SLC35D4: variants seen among roughly 807,000 people sequenced by gnomAD.
SLC35D4 encodes solute carrier family 35 member D4.
the SLC35D4 span, among the ~76,000 whole-genome samples, chr18:23,343,343 G>A: frequency 6.6e-6 from 1 of 151,902 alleles, no homozygotes; most frequent in Admixed American, 6.6e-5. Flanking sequence ...CTGGGTTCAA[G>A]CGATTCTCCT....
At chr18:23,395,304 A>AT in the SLC35D4 span, among the ~76,000 whole-genome samples, 2 of 152,170 alleles carry the variant, frequency 1.3e-5, no homozygotes, top group African/African-American at 4.8e-5. Flanking sequence ...CACGGGTACC[A>AT]TTTTGCTTAA....
chr18:23,307,943 G>C, the SLC35D4 span, among the ~76,000 whole-genome samples: 1 of 152,068 alleles, frequency 6.6e-6, no homozygotes, highest in East Asian at 1.9e-4. Flanking sequence ...TGCCTGTCCC[G>C]GTCTGCCCTG....
chr18:23,297,723 G>A, the SLC35D4 span: 6 of 370,468 alleles, frequency 1.6e-5, no homozygotes, highest in Non-Finnish European at 2.6e-5. Context: ...GCTACAGCAC[G>A]GTTGAGAGAG....
At chr18:23,292,996 T>C in the SLC35D4 span, among the ~76,000 whole-genome samples, 3 of 152,088 alleles carry the variant, frequency 2.0e-5, no homozygotes, top group African/African-American at 7.2e-5. Context: ...TCCCAGCACT[T>C]TGGGAGGCCG....
the SLC35D4 span, among the ~76,000 whole-genome samples, chr18:23,307,144 C>T: frequency 3.9e-5 from 6 of 152,220 alleles, no homozygotes; most frequent in South Asian, 4.1e-4. Context: ...TCAACCGAAC[C>T]GTAGTGACGT....
chr18:23,240,549 G>A, the SLC35D4 span, among the ~76,000 whole-genome samples: 25 of 152,266 alleles, frequency 1.6e-4, no homozygotes, highest in Admixed American at 9.2e-4. Context: ...CACTAGGCTA[G>A]TGTGAGGATC....
At chr18:23,330,190 G>C in the SLC35D4 span, among the ~76,000 whole-genome samples, 1 of 151,466 alleles carries the variant, frequency 6.6e-6, no homozygotes, top group African/African-American at 2.4e-5. Context: ...AGAACCTAAA[G>C]TATAAAAAAA....
chr18:23,379,067 G>A, the SLC35D4 span, among the ~76,000 whole-genome samples: 20 of 152,108 alleles, frequency 1.3e-4, no homozygotes, highest in East Asian at 3.3e-3. Flanking sequence ...GGGCAAAGGT[G>A]ATCTGGCTCA....
the SLC35D4 span, among the ~76,000 whole-genome samples, chr18:23,332,845 T>C: frequency 1.3e-5 from 2 of 152,196 alleles, no homozygotes; most frequent in African/African-American, 4.8e-5. Flanking sequence ...TTATTCTTAT[T>C]TGACATATAA....
chr18:23,239,855 C>T, the SLC35D4 span, among the ~76,000 whole-genome samples: 6 of 152,144 alleles, frequency 3.9e-5, no homozygotes, highest in African/African-American at 9.7e-5. Context: ...TGGTGGCTCA[C>T]GCCTGTAATC....
the SLC35D4 span, among the ~76,000 whole-genome samples, chr18:23,418,467 G>T: frequency 6.6e-6 from 1 of 150,946 alleles, no homozygotes; most frequent in African/African-American, 2.4e-5. Context: ...TGCCTCCCTG[G>T]CTCAAGCAAT....
chr18:23,260,966 C>T, the SLC35D4 span, among the ~76,000 whole-genome samples: 21 of 152,242 alleles, frequency 1.4e-4, no homozygotes, highest in South Asian at 3.3e-3. Flanking sequence ...CACAGCCCAG[C>T]GGAAGGGACC....
the SLC35D4 span, among the ~76,000 whole-genome samples, chr18:23,426,999 A>C: frequency 0.085 from 12,940 of 152,158 alleles, 759 homozygotes; most frequent in Middle Eastern, 0.13. Flanking sequence ...CTTCCTTACA[A>C]CTTATACAAA....
the SLC35D4 span, chr18:23,297,849 C>T: frequency 1.2e-6 from 1 of 803,092 alleles, no homozygotes; most frequent in Non-Finnish European, 2.0e-6. Context: ...ACCACATTCA[C>T]TTGGGTGAGG....
chr18:23,411,497 G>GAA, the SLC35D4 span, among the ~76,000 whole-genome samples: 1 of 137,142 alleles, frequency 7.3e-6, no homozygotes, highest in African/African-American at 2.8e-5. Flanking sequence ...AAGAAAGAAA[G>GAA]AAAGAAAGAA....
At chr18:23,287,152 C>A in the SLC35D4 span, among the ~76,000 whole-genome samples, 1 of 152,166 alleles carries the variant, frequency 6.6e-6, no homozygotes, top group East Asian at 1.9e-4. Context: ...CCCATTTTAC[C>A]TGTCCTAAAA....
the SLC35D4 span, among the ~76,000 whole-genome samples, chr18:23,431,674 A>G: frequency 0.011 from 1,699 of 152,182 alleles, 38 homozygotes; most frequent in African/African-American, 0.039. Flanking sequence ...GTGTTTTAGC[A>G]TGTTACGGAC....
chr18:23,366,107 C>T, the SLC35D4 span, among the ~76,000 whole-genome samples: 1 of 152,196 alleles, frequency 6.6e-6, no homozygotes, highest in African/African-American at 2.4e-5. Context: ...AGTTACATTT[C>T]CAAGAGGCTA....
the SLC35D4 span, chr18:23,352,242 T>A: frequency 6.2e-7 from 1 of 1,611,534 alleles, no homozygotes; most frequent in Non-Finnish European, 8.5e-7. Context: ...GGCCAGAAGG[T>A]TTTTTAGCTT....
Sources: gnomAD v4.1 joint callset for allele counts (sites outside exome capture counted in the v4.1 genomes callset) on GRCh38, gnomAD v4.1.1 for gene constraint, MANE v1.5 for transcripts, NCBI Gene and HGNC (gene_info 2026-07-23, HGNC 2026-07-21) for gene names.